RYR1: variants seen among roughly 807,000 people sequenced by gnomAD.
The protein encoded by RYR1 is ryanodine receptor 1, also known as central core disease of muscle.
A neutral mutation model predicts 583.5 loss-of-function variants in RYR1; 342 were observed. The observed-to-expected ratio is 0.59, with a 90% CI of 0.54 to 0.64. RYR1 has a LOEUF of 0.64. RYR1 is among the 30% of genes least tolerant of loss of function. RYR1 has a pLI of 0.00. For missense variants in RYR1, 6,032 were observed against 6,917.2 expected (o/e 0.87, Z 4.54); for synonymous variants, 2,791 against 2,822.5 (o/e 0.99, Z 0.35).
chr19:38,500,816 T>G lies in RYR1; in HGVS notation c.7445-5T>G. ...CATCCCCGAACCCACCCTCCCTGCC[T>G]GCAGATGGGGCTCTGGTGCAGCCAA... On this transcript the variant is annotated splice_region_variant and splice_polypyrimidine_tract_variant and intron_variant, in intron 46 of 105. Coordinates refer to ENST00000359596, the MANE Select transcript of RYR1 (RefSeq NM_000540.3). The surrounding 1 kb of genome is among the most constrained non-coding windows in gnomAD (Gnocchi z 5.9). 6 of 1,422,600 alleles carry G rather than the reference T, an allele frequency of 4.2e-6. No individual in the cohort carries two copies. The highest frequency in any genetic ancestry group is 1.4e-5 in the African/African-American group (1 of 69,264). 88.1% of individuals were successfully genotyped at this position (1,422,600 alleles called of 1,614,324 possible).
intron 90 of RYR1, among the ~76,000 whole-genome samples, chr19:38,562,197 A>T (rs1973176395): frequency 6.6e-6 from 1 of 151,976 alleles, no homozygotes; most frequent in Non-Finnish European, 1.5e-5. Flanking sequence ...TCTCAGGCTC[A>T]CCCAGAAGAG....
chr19:38,522,911 C>A, intron 67 of RYR1, 117 bp from the exon 68 acceptor site: 1 of 848,922 alleles, frequency 1.2e-6, no homozygotes. Context: ...CCTAGAAACC[C>A]CATCCCTCTG....
rs1359790085 is a variant in RYR1, at chr19:38,483,756, G to C, written c.4934+240G>C. 1.3e-5 allele frequency among the ~76,000 whole-genome samples: 2 copies of C among 151,910 alleles called. No individual in the cohort carries two copies. Among genetic ancestry groups the C allele is most frequent in the Non-Finnish European group, 2.9e-5 (2 of 67,946 alleles). Reference sequence around the variant, plus strand: ...CCAGTGGACCGCAGGCCCACCCTAAGGGAACCCAGACAATACCCCAAGGAC... The same window carrying C: ...CCAGTGGACCGCAGGCCCACCCTAACGGAACCCAGACAATACCCCAAGGAC... On this transcript the variant is annotated intron_variant, in intron 33 of 105. Coordinates refer to ENST00000359596, the MANE Select transcript of RYR1 (RefSeq NM_000540.3). The surrounding 1 kb of genome is among the most constrained non-coding windows in gnomAD (Gnocchi z 6.3).
rs193922853 is a variant in RYR1 at position 38,565,182 on chromosome 19, A to T, written c.12848A>T (p.Glu4283Val). The T allele has an allele frequency of 7.9e-6, 9 of 1,134,944 alleles. No homozygotes were observed. The East Asian group carries it at 3.9e-4, about 49-fold the overall frequency. The allele number at this position is 1,134,944 out of a possible 1,614,324, so 70.3% of individuals were successfully genotyped here. A position where few individuals can be genotyped will look rare whatever the true frequency, so the allele number is the denominator to read the frequency against. ...EGAEEGAAGL[E>V]GTAATAAAGA... ...GCGGAGGAGGGCGCGGCGGGGCTCGAGGGCACGGCGGCCACGGCGGCGGCG... is the reference window on the plus strand; with the variant it reads ...GCGGAGGAGGGCGCGGCGGGGCTCGTGGGCACGGCGGCCACGGCGGCGGCG... The change falls in exon 91 of 106, where the codon GAG (glutamate) becomes GTG (valine). Residue 4283 changes from glutamate (E) to valine (V), a missense_variant. Glu to Val is a moderately radical substitution (Grantham distance 121, BLOSUM62 -2). Around this residue, in one of 11 missense-constraint regions of RYR1, gnomAD observed 753 missense variants for 759.6 expected, o/e 0.99. Transcript: ENST00000359596. The surrounding 1 kb of genome is among the most constrained non-coding windows in gnomAD (Gnocchi z 4.7).
At chr19:38,541,520 C>T (rs943188659) in intron 84 of RYR1, among the ~76,000 whole-genome samples, 4 of 152,104 alleles carry the variant, frequency 2.6e-5, no homozygotes, top group South Asian at 2.1e-4. Flanking sequence ...TGGAGACCAG[C>T]CTGTCCAATA....
intron 69 of RYR1, 181 bp from the exon 70 acceptor site, chr19:38,523,734 C>T: frequency 1.4e-6 from 1 of 716,316 alleles, no homozygotes; most frequent in Admixed American, 2.1e-5. Context: ...CTCAGCACTG[C>T]CCTTCTCAGG....
chr19:38,461,327 G>A lies in RYR1; in HGVS notation c.2577+736G>A, dbSNP rs189324342. On this transcript the variant is annotated intron_variant, in intron 20 of 105. Coordinates refer to ENST00000359596, the MANE Select transcript of RYR1 (RefSeq NM_000540.3). ...CAATTTTTTAAAAGGAGTGAGAGAG[G>A]TGGGGAGCTGCCCTAGAAGCTGGGA... Among the ~76,000 whole-genome samples the A allele has an allele frequency of 2.0e-3, 306 of 152,178 alleles. 1 individual carries two copies. The highest frequency in any genetic ancestry group is 3.9e-3 in the Non-Finnish European group (262 of 68,012).
In RYR1 at chr19:38,536,786, C is replaced by T; in HGVS notation, c.11608+19C>T. On this transcript the variant is annotated intron_variant, in intron 83 of 105. Coordinates refer to ENST00000359596, the MANE Select transcript of RYR1 (RefSeq NM_000540.3). ...CAGAACGGTAATTCCCCCAGCCCAC[C>T]CCCGTGCTGTGCTGCTGTCACCCAC... The T allele has an allele frequency of 6.2e-7, 1 of 1,613,658 alleles. No individual in the cohort carries two copies. The highest frequency in any genetic ancestry group is 1.1e-5 in the South Asian group (1 of 91,060).
At position 38,455,387 on chromosome 19, in the gene RYR1, T is replaced by C. The variant is rs758768317; in HGVS notation, c.1576+17T>C. On this transcript the variant is annotated intron_variant, in intron 14 of 105. Transcript: ENST00000359596. ...AACTCCTAGGTAGGGGTCCCAGTCC[T>C]GACTCCCCTGAGAACACCCCAGATC... 5 of 1,614,006 alleles carry C rather than the reference T, an allele frequency of 3.1e-6. No individual in the cohort carries two copies. Among genetic ancestry groups the C allele is most frequent in the Non-Finnish European group, 4.2e-6 (5 of 1,180,018 alleles).
chr19:38,501,014 C>T (rs1175397327), intron 47 of RYR1, 24 bp downstream of exon 47: 5 of 1,608,604 alleles, frequency 3.1e-6, no homozygotes, highest in Admixed American at 3.4e-5. Flanking sequence ...CCCAGCCTGG[C>T]CACCCTCCCC....
rs930802824 is a variant in RYR1, at chr19:38,451,676, A to G, written c.1123-88A>G. ...TCTGCAGAGCAGGGAGGAGGGGGCA[A>G]GTGCAGAACTCAAGTCTAGACAGAC... is the stretch of plus-strand genomic sequence containing the variant. On this transcript the variant is annotated intron_variant, in intron 11 of 105. Coordinates refer to ENST00000359596, the MANE Select transcript of RYR1 (RefSeq NM_000540.3). The G allele has an allele frequency of 2.7e-6, 4 of 1,501,006 alleles. No homozygotes were observed. The African/African-American group carries it at 5.5e-5, about 21-fold the overall frequency. 93.0% of individuals were successfully genotyped at this position (1,501,006 alleles called of 1,614,324 possible). A position where few individuals can be genotyped will look rare whatever the true frequency, so the allele number is the denominator to read the frequency against.
At position 38,494,523 on chromosome 19, in the gene RYR1, T is replaced by C; in HGVS notation, c.6446T>C (p.Val2149Ala). 2.5e-6 allele frequency: 4 copies of C among 1,613,934 alleles called. No individual in the cohort carries two copies. The highest frequency in any genetic ancestry group is 3.4e-6 in the Non-Finnish European group (4 of 1,180,034). ...PRAYTISPSS[V>A]EDTMSLLECL... ...GCGTACACCATCTCACCGTCCTCCGTGGAAGACACCATGAGCCTGCTCGAG... is the reference window on the plus strand; with the variant it reads ...GCGTACACCATCTCACCGTCCTCCGCGGAAGACACCATGAGCCTGCTCGAG... The change falls in exon 39 of 106, where the codon GTG becomes GCG. Residue 2149 changes from valine (V) to alanine (A), a missense_variant. By Grantham distance (64) the Val-to-Ala change is moderately conservative. This residue lies in a region of RYR1 where 2,627 missense variants were observed against 2,961.3 expected (regional missense o/e 0.89). Transcript: ENST00000359596.
chr19:38,460,713 C>G, intron 20 of RYR1, 122 bp downstream of exon 20: 3 of 964,104 alleles, frequency 3.1e-6, no homozygotes, highest in Non-Finnish European at 4.8e-6. Context: ...CGTGGTGGCT[C>G]ACGCCTGTAA....
chr19:38,490,803 A>G, intron 37 of RYR1, 71 bp downstream of exon 37: 1 of 966,874 alleles, frequency 1.0e-6, no homozygotes. Context: ...AGTTTCCCTA[A>G]GATTTCCTGA....
intron 31 of RYR1, among the ~76,000 whole-genome samples, chr19:38,480,788 A>G (rs1354245661): frequency 2.6e-5 from 4 of 151,986 alleles, no homozygotes; most frequent in Non-Finnish European, 5.9e-5. Flanking sequence ...TCTGTCACCC[A>G]GTCTGGAGTG....
intron 1 of RYR1, 44 bp downstream of exon 1, chr19:38,433,918 GCTCTCTGAGGGT>G (rs1366289312): frequency 2.6e-6 from 4 of 1,541,402 alleles, no homozygotes; most frequent in Non-Finnish European, 3.6e-6. Flanking sequence ...ATCTCTTGGG[GCTCTCTGAGGGT>G]CTCTCTGTCT....
At chr19:38,552,374 C>T (rs1972701040) in intron 89 of RYR1, among the ~76,000 whole-genome samples, 1 of 151,998 alleles carries the variant, frequency 6.6e-6, no homozygotes. Context: ...TCTGCCTTAG[C>T]TTCCCGAGTA....
chr19:38,452,593 C>G (rs545038176), intron 12 of RYR1, among the ~76,000 whole-genome samples: 65 of 152,034 alleles, frequency 4.3e-4, no homozygotes, highest in African/African-American at 1.5e-3. Flanking sequence ...CTCTCCATCC[C>G]TGAGTTCCGG....
chr19:38,433,802 C>T lies in RYR1; in HGVS notation c.-28C>T. ...GCCCCCTCCCTCTGTTCCCCGACCTCAGACCCTGGGCTTCCGACCTCGACA... is the reference window on the plus strand; with the variant it reads ...GCCCCCTCCCTCTGTTCCCCGACCTTAGACCCTGGGCTTCCGACCTCGACA... On this transcript the variant is annotated 5_prime_UTR_variant, in exon 1 of 106. Transcript: ENST00000359596. 1 of 1,595,208 alleles carries T rather than the reference C, an allele frequency of 6.3e-7. No homozygotes were observed. Among genetic ancestry groups the T allele is most frequent in the Non-Finnish European group, 8.6e-7 (1 of 1,164,288 alleles).
Sources: gnomAD v4.1 joint callset for allele counts (sites outside exome capture counted in the v4.1 genomes callset) on GRCh38, gnomAD v4.1.1 for gene constraint, gnomAD v4.1.1 regional missense constraint, Gnocchi (gnomAD v3.1) non-coding constraint, MANE v1.5 for transcripts, NCBI Gene and HGNC (gene_info 2026-07-23, HGNC 2026-07-21) for gene names.